Variants in NBEA observed in about 807,000 individuals in gnomAD.
NBEA encodes lysosomal-trafficking regulator 2.
A neutral mutation model predicts 343.4 loss-of-function variants in NBEA; 44 were observed. The ratio of observed to expected loss-of-function variants is 0.13; its 90% CI spans 0.10 to 0.16. The LOEUF is 0.16. Among genes scored for constraint, NBEA ranks in the 10% least tolerant of loss-of-function variants. The pLI, the probability that NBEA is intolerant of heterozygous loss-of-function variation, is 1.00. For synonymous variants in NBEA, 1,175 were observed against 1,238.7 expected, an observed-to-expected ratio of 0.95 and a Z score of 1.08; for missense variants, 2,555 against 3,631.3, an observed-to-expected ratio of 0.70 and a Z score of 7.62.
intron 48 of NBEA, among the ~76,000 whole-genome samples, chr13:35,624,879 G>A (rs996951056): frequency 6.6e-6 from 1 of 152,056 alleles, no homozygotes; most frequent in African/African-American, 2.4e-5. Flanking sequence ...GGGCTTCTAT[G>A]TAGATTATGA....
At chr13:35,401,139 T>C (rs1279490669) in intron 38 of NBEA, among the ~76,000 whole-genome samples, 2 of 152,014 alleles carry the variant, frequency 1.3e-5, no homozygotes, top group East Asian at 3.9e-4. Context: ...AAATACTCCT[T>C]ACTAATATTT....
intron 2 of NBEA, among the ~76,000 whole-genome samples, chr13:35,043,142 T>C (rs560836762): frequency 2.0e-5 from 3 of 151,904 alleles, no homozygotes; most frequent in African/African-American, 7.2e-5. Context: ...GTATTTTTTC[T>C]CTTTTAAAAA....
chr13:35,341,877 C>T (rs1186073988), intron 36 of NBEA, among the ~76,000 whole-genome samples: 3 of 152,050 alleles, frequency 2.0e-5, no homozygotes, highest in Non-Finnish European at 4.4e-5. Context: ...TCTGTAGATA[C>T]ATCCTCAAGA....
At chr13:35,256,238 C>T (rs1456071964) in intron 34 of NBEA, among the ~76,000 whole-genome samples, 1 of 152,190 alleles carries the variant, frequency 6.6e-6, no homozygotes, top group Non-Finnish European at 1.5e-5. Context: ...TAGTAGAAAG[C>T]TCCTTTCTGC....
intron 28 of NBEA, among the ~76,000 whole-genome samples, chr13:35,178,387 G>A (rs2071061830): frequency 6.6e-6 from 1 of 151,550 alleles, no homozygotes; most frequent in Admixed American, 6.6e-5. Context: ...TAGAATTTTG[G>A]CCTAAAAATT....
intron 13 of NBEA, among the ~76,000 whole-genome samples, chr13:35,112,828 G>T (rs2066286208): frequency 1.3e-5 from 2 of 151,988 alleles, no homozygotes; most frequent in African/African-American, 4.8e-5. Context: ...TTGTAGACAT[G>T]ATACTCTGTC....
chr13:35,629,640 T>C (rs1306254859), intron 49 of NBEA, among the ~76,000 whole-genome samples: 7 of 152,222 alleles, frequency 4.6e-5, no homozygotes, highest in Admixed American at 3.9e-4. Context: ...GCAGGTGTTA[T>C]GAAATGGCTG....
Position 35,554,968 on chromosome 13 carries a change from T to C in NBEA, c.6807-19T>C, listed in dbSNP as rs2079514863. On this transcript the variant is annotated intron_variant, in intron 43 of 58. Transcript: ENST00000379939. ...TGAATTAAAGAGACTATGTTTGTTA[T>C]GCTGTGCTTAATTGCTAGGAGGATA... 2 of 1,330,316 alleles carry C rather than the reference T, an allele frequency of 1.5e-6. No individual in the cohort carries two copies. The highest frequency in any genetic ancestry group is 1.5e-5 in the African/African-American group (1 of 68,802). 82.4% of individuals were successfully genotyped at this position (1,330,316 alleles called of 1,614,324 possible).
At chr13:35,031,855 A>G (rs1224372592) in intron 1 of NBEA, among the ~76,000 whole-genome samples, 1 of 151,312 alleles carries the variant, frequency 6.6e-6, no homozygotes, top group Non-Finnish European at 1.5e-5. Context: ...TATGTTAGTA[A>G]GTTTTCATTA....
At chr13:35,539,942 A>AAAAAAAAAAAAAAT (rs1566289232) in intron 41 of NBEA, among the ~76,000 whole-genome samples, 5 of 147,696 alleles carry the variant, frequency 3.4e-5, no homozygotes, top group African/African-American at 4.9e-5. Flanking sequence ...AAAAAAAAAA[A>AAAAAAAAAAAAAAT]GTGCACTAGT....
chr13:35,090,356 T>A (rs2065019571), intron 10 of NBEA, among the ~76,000 whole-genome samples: 1 of 151,936 alleles, frequency 6.6e-6, no homozygotes, highest in South Asian at 2.1e-4. Flanking sequence ...GTTGATTTAG[T>A]CACATAATTA....
intron 36 of NBEA, among the ~76,000 whole-genome samples, chr13:35,339,550 G>T (rs145803867): frequency 1.3e-5 from 2 of 152,182 alleles, no homozygotes; most frequent in East Asian, 3.9e-4. Context: ...TTCTTGCATT[G>T]CTATAAAGAA....
intron 18 of NBEA, among the ~76,000 whole-genome samples, chr13:35,152,894 A>G (rs1404098014): frequency 6.6e-6 from 1 of 152,062 alleles, no homozygotes; most frequent in African/African-American, 2.4e-5. Context: ...TGGGGTTACT[A>G]TGCATATCTC....
intron 41 of NBEA, among the ~76,000 whole-genome samples, chr13:35,533,103 C>T (rs1483633369): frequency 6.6e-6 from 1 of 151,982 alleles, no homozygotes; most frequent in East Asian, 1.9e-4. Context: ...TATTTGTGCG[C>T]CCACTAGCAA....
chr13:35,435,801 A>G (rs1031971590), intron 39 of NBEA, among the ~76,000 whole-genome samples: 16 of 152,152 alleles, frequency 1.1e-4, no homozygotes, highest in African/African-American at 3.9e-4. Context: ...TTGCAGTAAA[A>G]AATAAAAAGA....
At chr13:35,638,691 A>G (rs1291035000) in intron 49 of NBEA, among the ~76,000 whole-genome samples, 2 of 152,294 alleles carry the variant, frequency 1.3e-5, no homozygotes. Flanking sequence ...CTCAGCCACA[A>G]TCAGCTACAT....
At chr13:35,003,035 A>G (rs925052596) in intron 1 of NBEA, among the ~76,000 whole-genome samples, 1 of 152,210 alleles carries the variant, frequency 6.6e-6, no homozygotes, top group Non-Finnish European at 1.5e-5. Context: ...TTCTCCAGCC[A>G]CAGTACAATG....
At chr13:35,427,109 A>G (rs1356038164) in intron 38 of NBEA, among the ~76,000 whole-genome samples, 4 of 151,994 alleles carry the variant, frequency 2.6e-5, no homozygotes, top group Non-Finnish European at 4.4e-5. Context: ...TAGTTTGATC[A>G]TCTGAAGCCT....
At chr13:35,271,675 C>T (rs1317226033) in intron 34 of NBEA, among the ~76,000 whole-genome samples, 1 of 152,078 alleles carries the variant, frequency 6.6e-6, no homozygotes, top group Non-Finnish European at 1.5e-5. Flanking sequence ...CCTGATGGAC[C>T]TGAAAATTGC....
Sources: gnomAD v4.1 joint callset for allele counts (sites outside exome capture counted in the v4.1 genomes callset) on GRCh38, gnomAD v4.1.1 for gene constraint, MANE v1.5 for transcripts, NCBI Gene and HGNC (gene_info 2026-07-23, HGNC 2026-07-21) for gene names.